TLCD4: variants seen among roughly 807,000 people sequenced by gnomAD.
The protein encoded by TLCD4 is TLC domain containing 4.
In TLCD4, 7 loss-of-function variants were observed where a neutral mutation model predicts 24.2. The ratio of observed to expected loss-of-function variants is 0.29; its 90% CI spans 0.16 to 0.54. The LOEUF (loss-of-function observed/expected upper bound fraction) is 0.54, where lower values mean the gene tolerates loss of function less well. Ranked by LOEUF, TLCD4 falls within the 20% of genes least tolerant of loss-of-function variation. The pLI is 0.95. For missense variants in TLCD4, 259 were observed against 313.9 expected, an observed-to-expected ratio of 0.82 and a Z score of 1.32; for synonymous variants, 103 against 106.4, an observed-to-expected ratio of 0.97 and a Z score of 0.20.
At chr1:95,107,379 C>T in the TLCD4 span, among the ~76,000 whole-genome samples, 128 of 152,236 alleles carry the variant, frequency 8.4e-4, 2 homozygotes, top group East Asian at 0.021. Flanking sequence ...GCCGAGATTG[C>T]GCCACTGCAC....
intron 1 of TLCD4, among the ~76,000 whole-genome samples, chr1:95,141,763 A>G (rs2148797): frequency 0.047 from 7,019 of 149,120 alleles, 307 homozygotes; most frequent in East Asian, 0.21. Context: ...CTCATAGAGA[A>G]GAATTGTAAT....
Position 95,148,730 on chromosome 1 carries a change from GTTGGTATT to G in TLCD4, c.187_194del (p.Gly63TrpfsTer9). The G allele has an allele frequency of 6.2e-7, 1 of 1,613,628 alleles. No individual in the cohort carries two copies. Among genetic ancestry groups the G allele is most frequent in the Non-Finnish European group, 8.5e-7 (1 of 1,179,772 alleles). The stretch of plus-strand genomic sequence containing the variant: ...AGTATCCACATGCCATTCTTTGGTG[GTTGGTATT>G]TTTGGCCTGTACATTTTCTTATTCG... On this transcript the variant is annotated frameshift_variant, in exon 3 of 7. Transcript: ENST00000370203. LOFTEE classifies it high-confidence loss of function.
intron 5 of TLCD4, among the ~76,000 whole-genome samples, chr1:95,169,547 A>G (rs908257345): frequency 4.6e-5 from 7 of 152,220 alleles, no homozygotes; most frequent in African/African-American, 1.7e-4. Flanking sequence ...TTTGGTTAAT[A>G]CTTTTAATTC....
chr1:95,160,097 A>G (rs1677743850), intron 5 of TLCD4, among the ~76,000 whole-genome samples: 1 of 152,250 alleles, frequency 6.6e-6, no homozygotes, highest in Non-Finnish European at 1.5e-5. Flanking sequence ...TACCTTGGGC[A>G]GCATGGCCAT....
the TLCD4 span, among the ~76,000 whole-genome samples, chr1:95,099,047 C>A: frequency 2.5e-5 from 1 of 39,574 alleles, no homozygotes; most frequent in Non-Finnish European, 6.3e-5. Flanking sequence ...GAGTGAAACT[C>A]TGTCTCAAAA....
upstream of TLCD4, among the ~76,000 whole-genome samples, chr1:95,116,495 T>A (rs1676432460): frequency 6.6e-6 from 1 of 152,248 alleles, no homozygotes. Flanking sequence ...TCAATGATAG[T>A]GTTTACAAAT....
intron 6 of TLCD4, among the ~76,000 whole-genome samples, chr1:95,176,739 C>T (rs1678443875): frequency 6.6e-6 from 1 of 152,108 alleles, no homozygotes; most frequent in Non-Finnish European, 1.5e-5. Context: ...TATCCTGAAG[C>T]CTTCCCCCTA....
At chr1:95,168,983 T>C (rs1678118716) in intron 5 of TLCD4, among the ~76,000 whole-genome samples, 1 of 152,220 alleles carries the variant, frequency 6.6e-6, no homozygotes, top group South Asian at 2.1e-4. Context: ...TAGAGGAATG[T>C]AGCAGGTCCA....
In TLCD4 at chr1:95,195,076, T is replaced by G. The variant is rs1414930124; in HGVS notation, c.*3208T>G. On this transcript the variant is annotated 3_prime_UTR_variant, in exon 7 of 7. Coordinates refer to ENST00000370203, the MANE Select transcript of TLCD4 (RefSeq NM_152487.3). ...CAGGACGGTCTTAAAGGTCTAGTTT[T>G]AAAAACTGCCTAGTTTGTAAGTATT... 2 of 152,226 alleles carry G rather than the reference T, an allele frequency of 1.3e-5. No homozygotes were observed. The highest frequency in any genetic ancestry group is 2.9e-5 in the Non-Finnish European group (2 of 68,026). 9.4% of individuals were successfully genotyped at this position (152,226 alleles called of 1,614,324 possible).
intron 6 of TLCD4, among the ~76,000 whole-genome samples, chr1:95,186,356 T>C (rs1224289116): frequency 6.6e-6 from 1 of 152,192 alleles, no homozygotes; most frequent in Non-Finnish European, 1.5e-5. Flanking sequence ...AAAGCTGGCT[T>C]GATGAAACAC....
upstream of TLCD4, among the ~76,000 whole-genome samples, chr1:95,116,764 G>A (rs1205773179): frequency 6.6e-6 from 1 of 152,228 alleles, no homozygotes; most frequent in African/African-American, 2.4e-5. Flanking sequence ...CCCGACAACA[G>A]AGGGGTTCCG....
chr1:95,144,145 G>T, intron 2 of TLCD4, 89 bp downstream of exon 2: 1 of 1,238,312 alleles, frequency 8.1e-7, no homozygotes, highest in South Asian at 3.8e-5. Flanking sequence ...TTTCATTTAG[G>T]ATCTAATGTA....
At chr1:95,161,756 T>C (rs553542961) in intron 5 of TLCD4, among the ~76,000 whole-genome samples, 1 of 152,356 alleles carries the variant, frequency 6.6e-6, no homozygotes, top group Admixed American at 6.5e-5. Context: ...CATTTCGTTA[T>C]GTACCCAGTA....
chr1:95,155,930 G>A (rs1677620747), intron 5 of TLCD4, among the ~76,000 whole-genome samples: 1 of 152,010 alleles, frequency 6.6e-6, no homozygotes, highest in African/African-American at 2.4e-5. Context: ...AAAAATTAAA[G>A]TGTCATCCAG....
intron 1 of TLCD4, among the ~76,000 whole-genome samples, chr1:95,126,424 T>G (rs1306125284): frequency 1.4e-5 from 1 of 72,908 alleles, no homozygotes; most frequent in Non-Finnish European, 2.8e-5. Context: ...CGAGACTCTG[T>G]CTCAGGAGAA....
At chr1:95,179,400 G>A (rs1386636650) in intron 6 of TLCD4, among the ~76,000 whole-genome samples, 2 of 152,222 alleles carry the variant, frequency 1.3e-5, no homozygotes, top group African/African-American at 4.8e-5. Flanking sequence ...TTATACTGGA[G>A]CACAGCCATG....
chr1:95,172,454 T>C (rs890223277), intron 5 of TLCD4, among the ~76,000 whole-genome samples: 3 of 152,248 alleles, frequency 2.0e-5, no homozygotes, highest in Non-Finnish European at 4.4e-5. Flanking sequence ...GTTATGTCTC[T>C]GGACTGGTAT....
chr1:95,165,297 A>G (rs190142974), intron 5 of TLCD4: 1 of 152,222 alleles, frequency 6.6e-6, no homozygotes, highest in Non-Finnish European at 1.5e-5. Context: ...CTGGTGGCAT[A>G]TGGATATGTA....
chr1:95,171,646 G>T (rs1010411892), intron 5 of TLCD4, among the ~76,000 whole-genome samples: 4 of 152,086 alleles, frequency 2.6e-5, no homozygotes, highest in Non-Finnish European at 5.9e-5. Flanking sequence ...ATTGTATATG[G>T]AAATCTATGT....
Sources: allele counts gnomAD v4.1 joint callset (sites outside exome capture counted in the v4.1 genomes callset), GRCh38; gene constraint gnomAD v4.1.1; transcripts MANE v1.5; gene names NCBI Gene and HGNC (gene_info 2026-07-23, HGNC 2026-07-21).